Variants in HEXB observed in about 807,000 individuals in gnomAD.
HEXB encodes beta-hexosaminidase subunit beta.
In HEXB, 51 loss-of-function variants were observed where a neutral mutation model predicts 71.2. That is an observed-to-expected ratio of 0.72 (90% CI 0.57 to 0.90). The LOEUF is 0.90. Ranked by LOEUF, HEXB falls within the 40% of genes least tolerant of loss-of-function variation. The pLI is 0.00. For missense variants in HEXB, 617 were observed against 677.0 expected (o/e 0.91, Z 0.98); for synonymous variants, 266 against 249.3 (o/e 1.07, Z -0.63).
chr5:74,710,435 C>T (rs936436007), intron 6 of HEXB, among the ~76,000 whole-genome samples: 9 of 152,112 alleles, frequency 5.9e-5, no homozygotes, highest in Non-Finnish European at 1.3e-4. Flanking sequence ...AAGTTCTGGC[C>T]AGGGCAATTA....
chr5:74,648,502 C>T (rs1748042196), intron 1 of HEXB, among the ~76,000 whole-genome samples: 1 of 152,174 alleles, frequency 6.6e-6, no homozygotes, highest in South Asian at 2.1e-4. Context: ...GCAACCATTC[C>T]TATTTTCTGT....
chr5:74,652,344 G>T lies in HEXB; in HGVS notation c.-377+11786G>T, dbSNP rs1026226901. Among the ~76,000 whole-genome samples the T allele has an allele frequency of 6.6e-6, 1 of 152,180 alleles. No individual in the cohort carries two copies. The highest frequency in any genetic ancestry group is 2.4e-5 in the African/African-American group (1 of 41,436). ...CCCTCGCTTTCTTTTTCAGAGCTGTGCTCTCCTAGTGTGTGGGCCTCCTGG... is the reference window on the plus strand; with the variant it reads ...CCCTCGCTTTCTTTTTCAGAGCTGTTCTCTCCTAGTGTGTGGGCCTCCTGG... On this transcript the variant is annotated intron_variant, in intron 1 of 13. Coordinates refer to the HEXB transcript ENST00000511181. This position sits in a 1 kb window ranked among gnomAD's most constrained non-coding sequence, Gnocchi z 5.4.
At chr5:74,703,816 C>A (rs1038501211) in intron 5 of HEXB, among the ~76,000 whole-genome samples, 1 of 152,074 alleles carries the variant, frequency 6.6e-6, no homozygotes, top group African/African-American at 2.4e-5. Context: ...CCGGCACTAC[C>A]GGCATGTGTC....
At position 74,721,242 on chromosome 5, in the gene HEXB, A is replaced by G. The variant is rs990943795; in HGVS notation, c.*67A>G. ...CAACTTTATTTTGAAATCATGTAAA[A>G]TAAGATATTAGACTGTTTTTTGAAT... On this transcript the variant is annotated 3_prime_UTR_variant, in exon 14 of 14. Transcript: ENST00000261416. The G allele has an allele frequency of 8.2e-7, 1 of 1,225,448 alleles. No homozygotes were observed. The highest frequency in any genetic ancestry group is 1.7e-5 in the Admixed American group (1 of 59,130). The allele number at this position is 1,225,448 out of a possible 1,614,324, so 75.9% of individuals were successfully genotyped here. A position where few individuals can be genotyped will look rare whatever the true frequency, so the allele number is the denominator to read the frequency against.
intron 11 of HEXB, 88 bp from the exon 12 acceptor site, chr5:74,720,340 T>TAAAG: frequency 1.0e-6 from 1 of 1,003,932 alleles, no homozygotes; most frequent in Non-Finnish European, 1.6e-6. Flanking sequence ...TGCCCTAGGA[T>TAAAG]AAAGATGGAG....
At chr5:74,690,206 T>C (rs1238755000) in intron 2 of HEXB, among the ~76,000 whole-genome samples, 1 of 152,194 alleles carries the variant, frequency 6.6e-6, no homozygotes, top group Non-Finnish European at 1.5e-5. Flanking sequence ...TTTTCCCAAA[T>C]TGTTTTAGAA....
chr5:74,645,210 TAG>T lies in HEXB; in HGVS notation c.-377+4655_-377+4656del, dbSNP rs200884585. Reference sequence around the variant, plus strand: ...CTGGATTGTATAGTATGATTGTTTTTAGAGGTGAGCCCGTGCTAAGTTGCCAG... The same window carrying T: ...CTGGATTGTATAGTATGATTGTTTTTAGGTGAGCCCGTGCTAAGTTGCCAG... On this transcript the variant is annotated intron_variant, in intron 1 of 13. Coordinates refer to the HEXB transcript ENST00000511181. Among the ~76,000 whole-genome samples the T allele has an allele frequency of 5.4e-3, 821 of 152,232 alleles. 3 individuals carry two copies. Among genetic ancestry groups the T allele is most frequent in the African/African-American group, 0.018 (768 of 41,544 alleles).
At chr5:74,707,684 T>C (rs200869229) in intron 6 of HEXB, among the ~76,000 whole-genome samples, 4 of 152,100 alleles carry the variant, frequency 2.6e-5, no homozygotes, top group Non-Finnish European at 5.9e-5. Flanking sequence ...GAAGAAAGGG[T>C]ATCAGTGATG....
chr5:74,670,915 G>A (rs1027260241), intron 1 of HEXB, among the ~76,000 whole-genome samples: 7 of 152,112 alleles, frequency 4.6e-5, no homozygotes, highest in South Asian at 2.1e-4. Flanking sequence ...ACATAGTCAC[G>A]GTGGCTGCAG....
chr5:74,689,698 A>G lies in HEXB; in HGVS notation c.445+225A>G, dbSNP rs1055409493. 8.9e-5 allele frequency: 51 copies of G among 575,836 alleles called. 1 individual carries two copies. The highest frequency in any genetic ancestry group is 1.4e-4 in the Non-Finnish European group (45 of 324,296). 35.7% of individuals were successfully genotyped at this position (575,836 alleles called of 1,614,324 possible). On this transcript the variant is annotated intron_variant, in intron 2 of 13. Transcript: ENST00000261416. ...CAGAAGAAGAAATAAATCACTCATA[A>G]TCCCAGCAGATAGAATTAATCACTG...
intron 2 of HEXB, among the ~76,000 whole-genome samples, chr5:74,691,501 G>A (rs1749003191): frequency 6.6e-6 from 1 of 152,136 alleles, no homozygotes; most frequent in Non-Finnish European, 1.5e-5. Context: ...TAAAGAAGCA[G>A]TATTACTGAG....
In HEXB at chr5:74,705,260, C is replaced by T; in HGVS notation, c.711C>T (p.His237=). 6.2e-7 allele frequency: 1 copy of T among 1,612,428 alleles called. No homozygotes were observed. Among genetic ancestry groups the T allele is most frequent in the Non-Finnish European group, 8.5e-7 (1 of 1,178,568 alleles). ...ATAAGTTTAATGTTCTTCACTGGCACATAGTTGATGACCAGTCTTTCCCAT... is the reference window on the plus strand; with the variant it reads ...ATAAGTTTAATGTTCTTCACTGGCATATAGTTGATGACCAGTCTTTCCCAT... ...AFNKFNVLHW[H]IVDDQSFPYQ... Residue 237 remains histidine, a synonymous_variant, in exon 6 of 14, where the codon CAC becomes CAT. Transcript: ENST00000261416.
chr5:74,645,695 T>A (rs1747989808), intron 1 of HEXB, among the ~76,000 whole-genome samples: 1 of 152,198 alleles, frequency 6.6e-6, no homozygotes, highest in Admixed American at 6.5e-5. Flanking sequence ...TAAAGTTAGG[T>A]CATTAGGAAA....
chr5:74,718,815 G>T lies in HEXB; in HGVS notation c.1261G>T (p.Val421Phe). 1 of 1,614,120 alleles carries T rather than the reference G, an allele frequency of 6.2e-7. No individual in the cohort carries two copies. Among genetic ancestry groups the T allele is most frequent in the South Asian group, 1.1e-5 (1 of 91,080 alleles). The change falls in exon 11 of 14, where the codon GTT (valine) becomes TTT (phenylalanine). Residue 421 changes from valine to phenylalanine, a missense_variant. Val to Phe is a conservative substitution (Grantham distance 50). Transcript: ENST00000261416. ...TTAATAGCTTGCGCCGGGCACAATA[G>T]TTGAAGTATGGAAAGACAGCGCATA... ...DKAKLAPGTI[V>F]EVWKDSAYPE...
At chr5:74,683,392 C>A (rs1210313231), upstream of HEXB, among the ~76,000 whole-genome samples, 1 of 152,064 alleles carries the variant, frequency 6.6e-6, no homozygotes, top group African/African-American at 2.4e-5. Context: ...CAACCTCTGC[C>A]TCCCAGGTTC....
At chr5:74,653,707 A>C (rs1465561722) in intron 1 of HEXB, among the ~76,000 whole-genome samples, 1 of 152,240 alleles carries the variant, frequency 6.6e-6, no homozygotes, top group East Asian at 1.9e-4. Flanking sequence ...CTGGAATTGT[A>C]AACCTGGCAT....
intron 1 of HEXB, among the ~76,000 whole-genome samples, chr5:74,644,475 C>T (rs1747964033): frequency 6.6e-6 from 1 of 152,088 alleles, no homozygotes; most frequent in Non-Finnish European, 1.5e-5. Flanking sequence ...GAAAATGAGA[C>T]CTCAGCTTCC....
rs199793300 is a variant in HEXB, at chr5:74,689,516, C to G, written c.445+43C>G. On this transcript the variant is annotated intron_variant, in intron 2 of 13. Transcript: ENST00000261416. Reference sequence around the variant, plus strand: ...GTGAGTGTATTATATCCCAGGTGCTCGCTGACGGACTTAAGTGCCAAAAAC... The same window carrying G: ...GTGAGTGTATTATATCCCAGGTGCTGGCTGACGGACTTAAGTGCCAAAAAC... 7.6e-6 allele frequency: 12 copies of G among 1,574,064 alleles called. No individual in the cohort carries two copies. The African/African-American group carries it at 8.1e-5, about 11-fold the overall frequency.
At chr5:74,679,448 G>T (rs777997400) in intron 1 of HEXB, among the ~76,000 whole-genome samples, 1 of 151,272 alleles carries the variant, frequency 6.6e-6, no homozygotes, top group Non-Finnish European at 1.5e-5. Context: ...TAACTAAGGA[G>T]ATTGCCAGCT....
Sources: gnomAD v4.1 joint callset for allele counts (sites outside exome capture counted in the v4.1 genomes callset) on GRCh38, gnomAD v4.1.1 for gene constraint, Gnocchi (gnomAD v3.1) non-coding constraint, MANE v1.5 for transcripts, NCBI Gene and HGNC (gene_info 2026-07-23, HGNC 2026-07-21) for gene names.